Variants in CATSPERG observed in about 807,000 individuals in gnomAD.
The protein encoded by CATSPERG is catsper channel auxiliary subunit gamma.
CATSPERG carries 115 observed loss-of-function variants against 145.0 expected under a neutral mutation model. The ratio of observed to expected loss-of-function variants is 0.79; its 90% CI spans 0.68 to 0.93. The LOEUF (loss-of-function observed/expected upper bound fraction) is 0.93, where lower values mean the gene tolerates loss of function less well. Ranked by LOEUF, CATSPERG falls within the 40% of genes least tolerant of loss-of-function variation. The pLI, the probability that CATSPERG is intolerant of heterozygous loss-of-function variation, is 0.00. For missense variants in CATSPERG, 1,296 were observed against 1,490.1 expected (o/e 0.87, Z 2.14); for synonymous variants, 588 against 589.0 (o/e 1.00, Z 0.02).
chr19:38,343,844 T>C (rs1009212320), intron 4 of CATSPERG, 120 bp downstream of exon 4: 12 of 1,407,194 alleles, frequency 8.5e-6, no homozygotes, highest in African/African-American at 1.4e-5. Flanking sequence ...GCACATTCCA[T>C]GGCCTAGAGG....
chr19:38,358,620 G>A (rs766891779), intron 13 of CATSPERG, 59 bp downstream of exon 13: 50 of 1,604,644 alleles, frequency 3.1e-5, no homozygotes, highest in Non-Finnish European at 3.7e-5. Flanking sequence ...GCAACTTTAC[G>A]GTGGGGACCC....
chr19:38,367,832 C>A, intron 25 of CATSPERG, 56 bp downstream of exon 25: 2 of 1,528,188 alleles, frequency 1.3e-6, no homozygotes, highest in South Asian at 1.1e-5. Context: ...GAGGCCTTTC[C>A]CACTTCCAAG....
rs1178870367 is a variant in CATSPERG at position 38,346,471 on chromosome 19, T to G, written c.691T>G (p.Tyr231Asp). Residue 231 changes from tyrosine (Y) to aspartate (D), a missense_variant, in exon 7 of 29, where the codon TAC (tyrosine) becomes GAC (aspartate). Coordinates refer to ENST00000409235, the MANE Select transcript of CATSPERG (RefSeq NM_021185.5). ...GEELFNLMPQ[Y>D]FVGVSSRPLW... is the part of the protein sequence containing the mutation. ...GCAGCTCTTCAACCTGATGCCCCAG[T>G]ACTTTGTGGGTGTCTCATCGAGGCC... 6.5e-7 allele frequency: 1 copy of G among 1,549,316 alleles called. No individual in the cohort carries two copies. Among genetic ancestry groups the G allele is most frequent in the Non-Finnish European group, 8.7e-7 (1 of 1,145,134 alleles).
chr19:38,370,568 G>C lies in CATSPERG; in HGVS notation c.3256G>C (p.Ala1086Pro), dbSNP rs148618826. The change falls in exon 29 of 29, where the codon GCC (alanine) becomes CCC (proline). Residue 1086 changes from alanine to proline, a missense_variant. Physicochemically the swap from Ala to Pro is conservative, Grantham distance 27 (BLOSUM62 -1). Transcript: ENST00000409235. ...VFVGLVIFYIAFCLLWPLVVK... is the reference protein window; with the variant it reads ...VFVGLVIFYIPFCLLWPLVVK... ...TGTGGGCCTGGTGATCTTCTACATC[G>C]CCTTCTGCCTCCTGTGGCCCCTCGT... 1 of 1,613,972 alleles carries C rather than the reference G, an allele frequency of 6.2e-7. No homozygotes were observed. Among genetic ancestry groups the C allele is most frequent in the Non-Finnish European group, 8.5e-7 (1 of 1,180,034 alleles).
At chr19:38,370,426 C>T in intron 28 of CATSPERG, 100 bp from the exon 29 acceptor site, 3 of 1,520,336 alleles carry the variant, frequency 2.0e-6, no homozygotes, top group Non-Finnish European at 2.7e-6. Flanking sequence ...CTCCTGCTGT[C>T]ATGCCTCCAT....
At chr19:38,346,410 T>G in intron 6 of CATSPERG, 40 bp from the exon 7 acceptor site, 2 of 1,482,600 alleles carry the variant, frequency 1.3e-6, no homozygotes, top group Non-Finnish European at 1.8e-6. Context: ...CTCAGGAGAG[T>G]GGGGAGAGTG....
At chr19:38,367,798 G>A (rs1205513589) in intron 25 of CATSPERG, 22 bp downstream of exon 25, 9 of 1,604,596 alleles carry the variant, frequency 5.6e-6, no homozygotes, top group Non-Finnish European at 7.7e-6. Context: ...GGGGTCCCAC[G>A]TGTAATCCAC....
intron 14 of CATSPERG, chr19:38,359,941 T>C (rs1970315007): frequency 1.9e-6 from 2 of 1,037,042 alleles, no homozygotes; most frequent in East Asian, 8.5e-5. Flanking sequence ...CAGGGGGACC[T>C]GGCCCCGTCT....
At chr19:38,359,679 G>T (rs1970310322) in intron 14 of CATSPERG, 98 bp downstream of exon 14, 1 of 1,481,190 alleles carries the variant, frequency 6.8e-7, no homozygotes, top group Admixed American at 2.1e-5. Context: ...CAAGGGAAGG[G>T]GGCACCCTCG....
At chr19:38,370,407 A>G in intron 28 of CATSPERG, 119 bp from the exon 29 acceptor site, 1 of 1,458,324 alleles carries the variant, frequency 6.9e-7, no homozygotes, top group Non-Finnish European at 9.5e-7. Context: ...CTGTCTACTC[A>G]TTCATTTCCT....
intron 2 of CATSPERG, 32 bp downstream of exon 2, chr19:38,337,536 G>C (rs1395254986): frequency 6.4e-7 from 1 of 1,551,816 alleles, no homozygotes; most frequent in Admixed American, 2.0e-5. Flanking sequence ...GAACCAGAGG[G>C]ATTTTGAACC....
chr19:38,362,183 C>T (rs1568381176), intron 17 of CATSPERG, 27 bp from the exon 18 acceptor site: 1 of 1,566,238 alleles, frequency 6.4e-7, no homozygotes, highest in Non-Finnish European at 8.7e-7. Flanking sequence ...TGCCCAATCC[C>T]TTCACGGTGC....
intron 13 of CATSPERG, 54 bp downstream of exon 13, chr19:38,358,615 T>C (rs1970289346): frequency 6.2e-7 from 1 of 1,607,144 alleles, no homozygotes; most frequent in Non-Finnish European, 8.5e-7. Flanking sequence ...CCCCAGCAAC[T>C]TTACGGTGGG....
chr19:38,362,970 T>C, intron 20 of CATSPERG, 138 bp downstream of exon 20: 1 of 638,742 alleles, frequency 1.6e-6, no homozygotes, highest in Non-Finnish European at 2.7e-6. Flanking sequence ...CCTCCTGGGC[T>C]CAAGCGATCC....
rs779721512 is a variant in CATSPERG at position 38,356,820 on chromosome 19, G to A, written c.1274G>A (p.Gly425Asp). The change falls in exon 11 of 29, where the codon GGT (glycine) becomes GAT (aspartate). Residue 425 changes from glycine (G) to aspartate (D), a missense_variant. Coordinates refer to ENST00000409235, the MANE Select transcript of CATSPERG (RefSeq NM_021185.5). Reference protein sequence around the residue: ...TLLLLVESGYGNASKRFQVVS... With the variant: ...TLLLLVESGYDNASKRFQVVS... ...CTGCTGCTGGTGGAGAGTGGATATG[G>A]TAATGCAAGTAAACGTTTCCAGGTG... 1 of 1,614,154 alleles carries A rather than the reference G, an allele frequency of 6.2e-7. No homozygotes were observed.
intron 8 of CATSPERG, 90 bp from the exon 9 acceptor site, chr19:38,354,620 C>T: frequency 2.0e-6 from 3 of 1,475,190 alleles, no homozygotes; most frequent in Middle Eastern, 2.0e-4. Flanking sequence ...GGACAGATAA[C>T]AGGCTCACTA....
Position 38,361,665 on chromosome 19 carries a change from CCTT to C in CATSPERG, c.1900_1902del (p.Phe634del), listed in dbSNP as rs745880009. On this transcript the variant is annotated inframe_deletion, in exon 17 of 29. Transcript: ENST00000409235. ...CTGCCCAGGGGCTACTTGATGCTCT[CCTT>C]CATCGACTTCTGCCCCTTCTCGGTG... 2.5e-6 allele frequency: 4 copies of C among 1,610,964 alleles called. No homozygotes were observed. The highest frequency in any genetic ancestry group is 3.4e-6 in the Non-Finnish European group (4 of 1,179,834).
chr19:38,369,102 G>T (rs1970503898), intron 26 of CATSPERG, among the ~76,000 whole-genome samples: 1 of 152,060 alleles, frequency 6.6e-6, no homozygotes, highest in African/African-American at 2.4e-5. Flanking sequence ...CTGAATGGGG[G>T]TATTAATGAA....
rs545339427 is a variant in CATSPERG at position 38,370,762 on chromosome 19, G to A, written c.3450G>A (p.Lys1150=). ...TGACAGAGGACAGGGCTGAACCCAA[G>A]GAAGCCGTGGAGAGACAGTTGATGA... The part of the protein sequence containing the change: ...SRMTEDRAEP[K]EAVERQLMT Residue 1150 remains lysine (K), a synonymous_variant, in exon 29 of 29, where the codon AAG becomes AAA. Coordinates refer to ENST00000409235, the MANE Select transcript of CATSPERG (RefSeq NM_021185.5). 9.9e-6 allele frequency: 16 copies of A among 1,614,026 alleles called. No individual in the cohort carries two copies. The African/African-American group carries it at 1.5e-4, about 15-fold the overall frequency.
Sources: allele counts gnomAD v4.1 joint callset (sites outside exome capture counted in the v4.1 genomes callset), GRCh38; gene constraint gnomAD v4.1.1; transcripts MANE v1.5; gene names NCBI Gene and HGNC (gene_info 2026-07-23, HGNC 2026-07-21).